The following GPHN variants were observed in gnomAD, a reference collection of about 807,000 sequenced individuals.
GPHN encodes the protein gephyrin.
A neutral mutation model predicts 95.5 loss-of-function variants in GPHN; 17 were observed. The ratio of observed to expected loss-of-function variants is 0.18; its 90% CI spans 0.12 to 0.27. The LOEUF is 0.27. Ranked by LOEUF, GPHN falls within the 10% of genes least tolerant of loss-of-function variation. GPHN has a pLI of 1.00. For synonymous variants in GPHN, 320 were observed against 322.5 expected (o/e 0.99, Z 0.08); for missense variants, 660 against 978.1 (o/e 0.67, Z 4.34).
At chr14:67,010,345 T>C (rs2072905223) in intron 9 of GPHN, among the ~76,000 whole-genome samples, 1 of 151,260 alleles carries the variant, frequency 6.6e-6, no homozygotes, top group Non-Finnish European at 1.5e-5. Flanking sequence ...GGTCAGGATA[T>C]CGAGACCATC....
chr14:67,303,327 T>C, the GPHN span, among the ~76,000 whole-genome samples: 1 of 152,256 alleles, frequency 6.6e-6, no homozygotes, highest in South Asian at 2.1e-4. Context: ...GATTCTGTTG[T>C]AAAATCTAGA....
chr14:67,078,448 G>A (rs1006556237), intron 11 of GPHN, among the ~76,000 whole-genome samples: 5 of 152,060 alleles, frequency 3.3e-5, no homozygotes, highest in Non-Finnish European at 5.9e-5. Context: ...ACTGCTCCCC[G>A]GTTCCCATTT....
chr14:66,657,791 C>T (rs1302419022), intron 1 of GPHN, among the ~76,000 whole-genome samples: 3 of 152,088 alleles, frequency 2.0e-5, no homozygotes, highest in African/African-American at 4.8e-5. Flanking sequence ...CTGACAGTGC[C>T]CCTCGTCAGC....
Position 67,112,432 on chromosome 14 carries a change from A to G in GPHN, c.1472+513A>G, listed in dbSNP as rs115231218. ...GAATATGTTTACCCTGATTCCATTA[A>G]TACTAATTTGCTGAACATCCCTTTG... On this transcript the variant is annotated intron_variant, in intron 15 of 22. Coordinates refer to ENST00000478722, the MANE Select transcript of GPHN (RefSeq NM_020806.5). Among the ~76,000 whole-genome samples, 470 of 152,324 alleles carry G rather than the reference A, an allele frequency of 3.1e-3. 5 individuals are homozygous for G. Among genetic ancestry groups the G allele is most frequent in the African/African-American group, 0.011 (452 of 41,574 alleles).
chr14:67,569,029 C>A, the GPHN span: 1 of 668,118 alleles, frequency 1.5e-6, no homozygotes, highest in Non-Finnish European at 2.6e-6. Context: ...AGTCACTGCC[C>A]CCCACAGGTC....
intron 2 of GPHN, among the ~76,000 whole-genome samples, chr14:66,755,897 G>A (rs1478745392): frequency 6.6e-6 from 1 of 152,128 alleles, no homozygotes; most frequent in East Asian, 1.9e-4. Context: ...TGGTGAATGA[G>A]CAAGAGAAGT....
chr14:67,332,727 T>A, the GPHN span: 3 of 1,536,968 alleles, frequency 2.0e-6, no homozygotes, highest in Non-Finnish European at 2.7e-6. Flanking sequence ...ACTCATCCTA[T>A]ATTATTTGGT....
the GPHN span, among the ~76,000 whole-genome samples, chr14:67,256,502 C>G: frequency 6.6e-6 from 1 of 152,120 alleles, no homozygotes; most frequent in Non-Finnish European, 1.5e-5. Flanking sequence ...ACCATTTCAA[C>G]TTGTAGTAAA....
At chr14:67,302,125 G>A in the GPHN span, 5 of 1,595,338 alleles carry the variant, frequency 3.1e-6, no homozygotes, top group Non-Finnish European at 4.3e-6. Flanking sequence ...GTTGGTAAGT[G>A]TCCCACATAC....
chr14:66,668,412 G>A (rs1228322020), intron 1 of GPHN, among the ~76,000 whole-genome samples: 1 of 152,130 alleles, frequency 6.6e-6, no homozygotes, highest in Non-Finnish European at 1.5e-5. Context: ...ACTGGATAAA[G>A]AAATGTGGTA....
At chr14:67,448,079 C>CTAACAT in the GPHN span, 1 of 138,524 alleles carries the variant, frequency 7.2e-6, no homozygotes, top group Non-Finnish European at 1.5e-5. Context: ...GATTAAGCCA[C>CTAACAT]TAACATTTCA....
chr14:67,589,589 C>G, the GPHN span: 1 of 985,652 alleles, frequency 1.0e-6, no homozygotes, highest in Middle Eastern at 5.2e-4. Context: ...AAGCCCTGTA[C>G]AGAACACAGG....
chr14:66,758,305 C>A (rs2058639103), intron 2 of GPHN, among the ~76,000 whole-genome samples: 1 of 152,152 alleles, frequency 6.6e-6, no homozygotes. Context: ...CCCCTATCTG[C>A]CTAGGCATTT....
At chr14:67,343,438 T>C in the GPHN span, 1 of 1,595,202 alleles carries the variant, frequency 6.3e-7, no homozygotes, top group Middle Eastern at 1.7e-4. Context: ...ACAAAAGAAG[T>C]CTAAAATAAG....
intron 11 of GPHN, among the ~76,000 whole-genome samples, chr14:67,079,634 A>G (rs1007469874): frequency 2.0e-5 from 3 of 152,052 alleles, no homozygotes; most frequent in African/African-American, 7.2e-5. Context: ...ACACAACACA[A>G]AATTTATCAT....
At chr14:66,580,492 A>G (rs372686646) in intron 1 of GPHN, among the ~76,000 whole-genome samples, 18 of 151,750 alleles carry the variant, frequency 1.2e-4, no homozygotes, top group African/African-American at 4.3e-4. Context: ...AGAAAATCAG[A>G]AATGAAAGAG....
chr14:67,279,462 G>T, the GPHN span: 1 of 1,611,588 alleles, frequency 6.2e-7, no homozygotes. Context: ...TCCAAAGACC[G>T]GAATAGATAA....
chr14:66,568,449 C>T (rs762807651), intron 1 of GPHN, among the ~76,000 whole-genome samples: 19 of 152,122 alleles, frequency 1.2e-4, no homozygotes, highest in East Asian at 3.9e-4. Flanking sequence ...CATGATATAC[C>T]GTCTATATTT....
intron 8 of GPHN, among the ~76,000 whole-genome samples, chr14:66,944,882 A>C (rs1267401953): frequency 6.6e-6 from 1 of 152,240 alleles, no homozygotes; most frequent in East Asian, 1.9e-4. Context: ...CATGCATCCC[A>C]GCCCTGGCAG....
Sources: gnomAD v4.1 joint callset for allele counts (sites outside exome capture counted in the v4.1 genomes callset) on GRCh38, gnomAD v4.1.1 for gene constraint, MANE v1.5 for transcripts, NCBI Gene and HGNC (gene_info 2026-07-23, HGNC 2026-07-21) for gene names.